The following TLN2 variants were observed in gnomAD, a reference collection of about 807,000 sequenced individuals.
The protein encoded by TLN2 is talin 2.
TLN2 carries 118 observed loss-of-function variants against 294.7 expected under a neutral mutation model. That is an observed-to-expected ratio of 0.40 (90% CI 0.34 to 0.47). The LOEUF (loss-of-function observed/expected upper bound fraction) is 0.47, where lower values mean the gene tolerates loss of function less well. Among genes scored for constraint, TLN2 ranks in the 20% least tolerant of loss-of-function variants. The pLI, the probability that TLN2 is intolerant of heterozygous loss-of-function variation, is 0.84. For missense variants in TLN2, 3,083 were observed against 3,282.2 expected (o/e 0.94, Z 1.48); for synonymous variants, 1,431 against 1,304.5 (o/e 1.10, Z -2.09).
chr15:62,738,393 T>C (rs976994579), intron 30 of TLN2, 60 bp downstream of exon 30: 3 of 1,571,516 alleles, frequency 1.9e-6, no homozygotes, highest in Non-Finnish European at 2.6e-6. Flanking sequence ...TAGGTGTGAG[T>C]GAAGTCTTCT....
chr15:62,391,564 G>A (rs916890658), intron 1 of TLN2, among the ~76,000 whole-genome samples: 8 of 152,258 alleles, frequency 5.3e-5, no homozygotes, highest in African/African-American at 1.2e-4. Flanking sequence ...AGGGGAGGGG[G>A]CGAGCAGTTT....
At chr15:62,643,851 T>C (rs1398236020) in intron 3 of TLN2, among the ~76,000 whole-genome samples, 1 of 152,144 alleles carries the variant, frequency 6.6e-6, no homozygotes, top group Non-Finnish European at 1.5e-5. Flanking sequence ...GGCAGCCATG[T>C]GCACTTGGTG....
chr15:62,605,443 G>A (rs1204317775), intron 2 of TLN2, among the ~76,000 whole-genome samples: 1 of 152,190 alleles, frequency 6.6e-6, no homozygotes, highest in Admixed American at 6.5e-5. Context: ...TAAAGCTGGA[G>A]TCGATTTAAT....
chr15:62,809,943 G>T lies in TLN2; in HGVS notation c.6682G>T (p.Asp2228Tyr). The T allele has an allele frequency of 6.2e-7, 1 of 1,614,044 alleles. No individual in the cohort carries two copies. Among genetic ancestry groups the T allele is most frequent in the Non-Finnish European group, 8.5e-7 (1 of 1,179,996 alleles). The change falls in exon 52 of 59, where the codon GAT (aspartate) becomes TAT (tyrosine). Residue 2228 changes from aspartate (D) to tyrosine (Y), a missense_variant. Physicochemically the swap from Asp to Tyr is radical, Grantham distance 160. Coordinates refer to ENST00000636159, the MANE Select transcript of TLN2 (RefSeq NM_015059.3). ...TACKQASFHP[D>Y]VSDEVRTRAL... The stretch of plus-strand genomic sequence containing the variant: ...TCTCCAGCAAGCATCCTTCCACCCC[G>T]ATGTCAGTGACGAGGTGAGAACCAG...
chr15:62,468,521 G>C (rs543063353), intron 1 of TLN2, among the ~76,000 whole-genome samples: 1 of 152,118 alleles, frequency 6.6e-6, no homozygotes, highest in African/African-American at 2.4e-5. Context: ...CAAGGCAGGC[G>C]GATCACAGGG....
chr15:62,765,257 C>G (rs1595916151), intron 40 of TLN2, among the ~76,000 whole-genome samples: 7 of 151,908 alleles, frequency 4.6e-5, no homozygotes, highest in African/African-American at 1.7e-4. Context: ...AAATAAAACC[C>G]TTGGCCGTCT....
At chr15:62,632,806 T>C (rs1379730571) in intron 3 of TLN2, among the ~76,000 whole-genome samples, 1 of 152,186 alleles carries the variant, frequency 6.6e-6, no homozygotes, top group East Asian at 1.9e-4. Flanking sequence ...GTGCAGAATG[T>C]GGAGGGAGAC....
intron 1 of TLN2, among the ~76,000 whole-genome samples, chr15:62,578,437 C>T (rs565738327): frequency 6.6e-6 from 1 of 152,118 alleles, no homozygotes; most frequent in African/African-American, 2.4e-5. Context: ...TGTGGTGGTG[C>T]ATGACTGTAA....
chr15:62,543,660 C>G (rs1308959878), intron 1 of TLN2, among the ~76,000 whole-genome samples: 2 of 150,112 alleles, frequency 1.3e-5, no homozygotes, highest in Non-Finnish European at 2.9e-5. Flanking sequence ...GAGGCTGAGG[C>G]AGAAGAGTTG....
intron 9 of TLN2, among the ~76,000 whole-genome samples, chr15:62,665,297 T>G (rs2054480243): frequency 6.6e-6 from 1 of 152,112 alleles, no homozygotes; most frequent in Non-Finnish European, 1.5e-5. Flanking sequence ...CGATCCACCC[T>G]CTTCAGCCTC....
chr15:62,697,790 C>T lies in TLN2; in HGVS notation c.1395C>T (p.Thr465=). The stretch of plus-strand genomic sequence containing the variant: ...GCTCGGGCTCCAGCGGGCCTGAGAC[C>T]TTCAACGTTGGCAGCATGCCCTCGC... The part of the protein sequence containing the change: ...VMRSGSSGPE[T]FNVGSMPSPQ... Residue 465 remains threonine, a synonymous_variant, in exon 15 of 59, where the codon ACC becomes ACT. Coordinates refer to ENST00000636159, the MANE Select transcript of TLN2 (RefSeq NM_015059.3). 2 of 1,612,968 alleles carry T rather than the reference C, an allele frequency of 1.2e-6. No homozygotes were observed. The highest frequency in any genetic ancestry group is 1.7e-6 in the Non-Finnish European group (2 of 1,179,736).
chr15:62,794,309 A>G (rs1450363606), intron 46 of TLN2, among the ~76,000 whole-genome samples: 2 of 152,098 alleles, frequency 1.3e-5, no homozygotes, highest in Admixed American at 6.5e-5. Flanking sequence ...CCTGTCCTCT[A>G]TGCCTTGTGT....
At chr15:62,422,404 T>A (rs2034465013) in intron 1 of TLN2, among the ~76,000 whole-genome samples, 1 of 152,154 alleles carries the variant, frequency 6.6e-6, no homozygotes, top group Non-Finnish European at 1.5e-5. Context: ...ATGGACACAC[T>A]GATGGGCACA....
chr15:62,827,847 T>C (rs1227265997), intron 54 of TLN2: 1 of 152,250 alleles, frequency 6.6e-6, no homozygotes, highest in African/African-American at 2.4e-5. Flanking sequence ...CACGTGCTTG[T>C]AATGACTCCA....
chr15:62,576,171 A>G, intron 1 of TLN2, among the ~76,000 whole-genome samples: 1 of 152,158 alleles, frequency 6.6e-6, no homozygotes, highest in East Asian at 1.9e-4. Context: ...AACAATTCAA[A>G]AACGAAGTCT....
Position 62,395,555 on chromosome 15 carries a change from C to T in TLN2, c.-238+4870C>T, listed in dbSNP as rs954053315. On this transcript the variant is annotated intron_variant, in intron 1 of 58. Coordinates refer to ENST00000636159, the MANE Select transcript of TLN2 (RefSeq NM_015059.3). ...CATTTCTGTGAAAGTTTGGAGCACA[C>T]GTGCCATGTGAGCCAGCAATCCCAC... Among the ~76,000 whole-genome samples, 7 of 152,246 alleles carry T rather than the reference C, an allele frequency of 4.6e-5. No individual in the cohort carries two copies. The East Asian group carries it at 9.7e-4, about 21-fold the overall frequency.
intron 1 of TLN2, among the ~76,000 whole-genome samples, chr15:62,553,045 C>T (rs902496767): frequency 6.6e-6 from 1 of 152,192 alleles, no homozygotes; most frequent in Non-Finnish European, 1.5e-5. Context: ...AATATATCCA[C>T]ATTATAAAAA....
At position 62,819,533 on chromosome 15, in the gene TLN2, C is replaced by A. The variant is rs532836655; in HGVS notation, c.6789C>A (p.Thr2263=). ...ACCTGTAGATTCTTCAGAAACCAAC[C>A]CCAGAATTCAAGCAGCAGCTGGCCG... is the stretch of plus-strand genomic sequence containing the variant. ...EHVLVILQKP[T]PEFKQQLAAF... The change falls in exon 53 of 59, where the codon ACC becomes ACA. Residue 2263 remains threonine, a synonymous_variant. Transcript: ENST00000636159. The A allele has an allele frequency of 7.4e-6, 12 of 1,614,080 alleles. No individual in the cohort carries two copies. The Admixed American group carries it at 1.2e-4, about 16-fold the overall frequency.
intron 1 of TLN2, among the ~76,000 whole-genome samples, chr15:62,543,615 C>T (rs190083778): frequency 3.2e-4 from 49 of 152,022 alleles, no homozygotes; most frequent in African/African-American, 1.0e-3. Context: ...ATTAGTTGGG[C>T]GTGGTGGTGT....
Sources: gnomAD v4.1 joint callset for allele counts (sites outside exome capture counted in the v4.1 genomes callset) on GRCh38, gnomAD v4.1.1 for gene constraint, MANE v1.5 for transcripts, NCBI Gene and HGNC (gene_info 2026-07-23, HGNC 2026-07-21) for gene names.